AUTS2: variants seen among roughly 807,000 people sequenced by gnomAD.
AUTS2 encodes autism susceptibility gene 2 protein.
In AUTS2, 17 loss-of-function variants were observed where a neutral mutation model predicts 112.4. That is an observed-to-expected ratio of 0.15 (90% CI 0.10 to 0.23). The LOEUF (loss-of-function observed/expected upper bound fraction) is 0.23, where lower values mean the gene tolerates loss of function less well. Ranked by LOEUF, AUTS2 falls within the 10% of genes least tolerant of loss-of-function variation. The pLI, the probability that AUTS2 is intolerant of heterozygous loss-of-function variation, is 1.00. For missense variants in AUTS2, 1,510 were observed against 1,701.6 expected (o/e 0.89, Z 1.98); for synonymous variants, 751 against 702.7 (o/e 1.07, Z -1.09).
intron 6 of AUTS2, among the ~76,000 whole-genome samples, chr7:70,711,779 C>A (rs922399034): frequency 6.6e-6 from 1 of 152,162 alleles, no homozygotes; most frequent in Non-Finnish European, 1.5e-5. Flanking sequence ...AGGGCGGGAG[C>A]CACGCAGGAG....
At chr7:70,430,894 G>A (rs1370103947) in intron 4 of AUTS2, among the ~76,000 whole-genome samples, 1 of 142,346 alleles carries the variant, frequency 7.0e-6, no homozygotes, top group Non-Finnish European at 1.5e-5. Context: ...GGAGTGCAGT[G>A]GCGGGATCTC....
chr7:70,399,602 A>G (rs1754770171), intron 4 of AUTS2, among the ~76,000 whole-genome samples: 1 of 152,102 alleles, frequency 6.6e-6, no homozygotes, highest in South Asian at 2.1e-4. Context: ...ATAGCAGTTT[A>G]TCTTTAAGTT....
chr7:69,816,420 G>A (rs1233115523), intron 1 of AUTS2, among the ~76,000 whole-genome samples: 2 of 152,114 alleles, frequency 1.3e-5, no homozygotes, highest in African/African-American at 4.8e-5. Flanking sequence ...AAACACATGC[G>A]GAATCTTGTT....
intron 5 of AUTS2, among the ~76,000 whole-genome samples, chr7:70,508,057 G>C (rs1468587829): frequency 6.6e-6 from 1 of 152,208 alleles, no homozygotes; most frequent in Admixed American, 6.5e-5. Flanking sequence ...ACAGCAGAAG[G>C]CTTGATTTAA....
intron 4 of AUTS2, among the ~76,000 whole-genome samples, chr7:70,329,722 T>C (rs1790657226): frequency 6.6e-6 from 1 of 151,656 alleles, no homozygotes; most frequent in African/African-American, 2.4e-5. Flanking sequence ...GTCTTTTCAC[T>C]TTCTTGATAA....
chr7:70,083,623 AT>A (rs1803432921), intron 2 of AUTS2, among the ~76,000 whole-genome samples: 1 of 152,184 alleles, frequency 6.6e-6, no homozygotes, highest in Non-Finnish European at 1.5e-5. Flanking sequence ...AAGTTTTGAC[AT>A]GCATACACCT....
intron 2 of AUTS2, among the ~76,000 whole-genome samples, chr7:70,034,910 C>T (rs1800933737): frequency 6.6e-6 from 1 of 152,118 alleles, no homozygotes; most frequent in African/African-American, 2.4e-5. Flanking sequence ...CAGCTCAGTA[C>T]AGCCTGGAAT....
At chr7:70,015,337 A>G (rs1799978219) in intron 2 of AUTS2, among the ~76,000 whole-genome samples, 1 of 152,240 alleles carries the variant, frequency 6.6e-6, no homozygotes, top group Non-Finnish European at 1.5e-5. Context: ...ACAAAAACTC[A>G]GTGAATACAT....
Position 69,872,069 on chromosome 7 carries a change from A to C in AUTS2, c.310-27217A>C, listed in dbSNP as rs114630990. Among the ~76,000 whole-genome samples the C allele has an allele frequency of 8.2e-3, 1,243 of 152,282 alleles. 20 individuals carry two copies. The highest frequency in any genetic ancestry group is 0.028 in the African/African-American group (1,182 of 41,562). ...ATGTTCCACTGTGTTATCCGACTTA[A>C]CTTACAAAACAAAGTTCAAAGATAA... On this transcript the variant is annotated intron_variant, in intron 1 of 18. Coordinates refer to ENST00000342771, the MANE Select transcript of AUTS2 (RefSeq NM_015570.4).
intron 4 of AUTS2, among the ~76,000 whole-genome samples, chr7:70,165,234 A>G (rs554391496): frequency 1.3e-3 from 202 of 152,200 alleles, no homozygotes; most frequent in Non-Finnish European, 2.0e-3. Context: ...CGCCTAACAT[A>G]CTTCAAGAGA....
At chr7:70,093,232 G>T (rs1403505747) in intron 2 of AUTS2, among the ~76,000 whole-genome samples, 4 of 152,066 alleles carry the variant, frequency 2.6e-5, no homozygotes, top group Admixed American at 2.0e-4. Context: ...TGCTGTGCAG[G>T]GCTCCATTTC....
intron 4 of AUTS2, among the ~76,000 whole-genome samples, chr7:70,312,853 T>A (rs531187335): frequency 8.9e-4 from 135 of 152,348 alleles, no homozygotes; most frequent in Non-Finnish European, 1.5e-3. Context: ...TATGTCATTT[T>A]AATTTAAATA....
intron 3 of AUTS2, among the ~76,000 whole-genome samples, chr7:70,124,293 C>T (rs1015696265): frequency 6.6e-6 from 1 of 152,102 alleles, no homozygotes; most frequent in African/African-American, 2.4e-5. Context: ...ATTTTTCTCC[C>T]ATTCTGTAGG....
intron 1 of AUTS2, among the ~76,000 whole-genome samples, chr7:69,656,554 G>T (rs1056485341): frequency 1.3e-5 from 2 of 152,014 alleles, no homozygotes; most frequent in Non-Finnish European, 2.9e-5. Context: ...AATGTATCCT[G>T]TTTTTTGATT....
At chr7:69,739,349 C>T (rs185952862) in intron 1 of AUTS2, among the ~76,000 whole-genome samples, 42 of 152,292 alleles carry the variant, frequency 2.8e-4, no homozygotes, top group South Asian at 8.3e-4. Context: ...TGAACCCAGG[C>T]AAATGCCTCT....
chr7:70,628,776 C>G (rs1328671269), intron 5 of AUTS2, among the ~76,000 whole-genome samples: 1 of 152,122 alleles, frequency 6.6e-6, no homozygotes, highest in Admixed American at 6.5e-5. Context: ...ATTAAAGAAA[C>G]TGAAGACAAG....
At chr7:70,639,970 T>G (rs1194310638) in intron 5 of AUTS2, among the ~76,000 whole-genome samples, 1 of 134,750 alleles carries the variant, frequency 7.4e-6, no homozygotes, top group African/African-American at 2.7e-5. Flanking sequence ...TTAGCAGTCT[T>G]GTGTTTTAGA....
chr7:70,479,814 T>G (rs1339381882), intron 5 of AUTS2, among the ~76,000 whole-genome samples: 1 of 152,162 alleles, frequency 6.6e-6, no homozygotes, highest in Non-Finnish European at 1.5e-5. Context: ...GTGCTAACCC[T>G]AAATCAGCTT....
At chr7:70,398,622 T>C (rs992431216) in intron 4 of AUTS2, among the ~76,000 whole-genome samples, 1 of 152,192 alleles carries the variant, frequency 6.6e-6, no homozygotes, top group Non-Finnish European at 1.5e-5. Flanking sequence ...AGTAGCTTTT[T>C]TATAGATTCT....
Sources: allele counts gnomAD v4.1 joint callset (sites outside exome capture counted in the v4.1 genomes callset), GRCh38; gene constraint gnomAD v4.1.1; transcripts MANE v1.5; gene names NCBI Gene and HGNC (gene_info 2026-07-23, HGNC 2026-07-21).